PCLO: variants seen among roughly 807,000 people sequenced by gnomAD.
PCLO encodes the protein protein piccolo.
Under a neutral mutation model 427.5 loss-of-function variants are expected in PCLO, and 82 were observed. That is an observed-to-expected ratio of 0.19 (90% confidence interval 0.16 to 0.23). The LOEUF (loss-of-function observed/expected upper bound fraction) is 0.23. Among genes scored for constraint, PCLO ranks in the 10% least tolerant of loss-of-function variants. PCLO has a pLI of 1.00. For missense variants in PCLO, 6,239 were observed against 6,115.9 expected (o/e 1.02, Z -0.67); for synonymous variants, 2,357 against 2,155.4 (o/e 1.09, Z -2.59).
chr7:83,133,950 TTTTC>T (rs1324643677), intron 3 of PCLO, among the ~76,000 whole-genome samples: 2 of 151,810 alleles, frequency 1.3e-5, no homozygotes, highest in Non-Finnish European at 2.9e-5. Context: ...GCTATTATTT[TTTTC>T]TTTATTTCAT....
At chr7:82,808,241 A>G (rs543402001) in intron 20 of PCLO, among the ~76,000 whole-genome samples, 6 of 151,854 alleles carry the variant, frequency 4.0e-5, no homozygotes, top group African/African-American at 1.4e-4. Context: ...ATTATTAGAC[A>G]CTAATATTCA....
chr7:83,005,711 C>G (rs917682834), intron 3 of PCLO, among the ~76,000 whole-genome samples: 2 of 151,558 alleles, frequency 1.3e-5, no homozygotes, highest in Admixed American at 1.3e-4. Context: ...TCAGGTTGTA[C>G]ACCTTAAATA....
chr7:83,123,956 C>CAAAAAAAAAAAAAAAAAA, intron 3 of PCLO, among the ~76,000 whole-genome samples: 1 of 29,056 alleles, frequency 3.4e-5, no homozygotes, highest in Non-Finnish European at 5.4e-5. Context: ...AACTCTGTCT[C>CAAAAAAAAAAAAAAAAAA]AAAAAAAAAA....
intron 3 of PCLO, among the ~76,000 whole-genome samples, chr7:83,072,103 T>C (rs930233779): frequency 1.3e-5 from 2 of 152,076 alleles, no homozygotes; most frequent in Admixed American, 6.6e-5. Context: ...AAAACAATTA[T>C]TTATCATTGC....
intron 3 of PCLO, among the ~76,000 whole-genome samples, chr7:83,084,112 C>T (rs534134673): frequency 9.8e-4 from 149 of 152,124 alleles, no homozygotes; most frequent in Non-Finnish European, 2.0e-3. Context: ...CCTGACAACA[C>T]GCAATTCTAG....
At chr7:83,116,806 G>A (rs997270474) in intron 3 of PCLO, among the ~76,000 whole-genome samples, 2 of 152,008 alleles carry the variant, frequency 1.3e-5, no homozygotes, top group African/African-American at 4.8e-5. Flanking sequence ...TGTCAGGCCT[G>A]GTAACCACCA....
At chr7:83,014,602 GA>G (rs961505004) in intron 3 of PCLO, among the ~76,000 whole-genome samples, 202 of 146,304 alleles carry the variant, frequency 1.4e-3, no homozygotes, top group East Asian at 5.0e-3. Context: ...AATATAGAAT[GA>G]AAAAAAAAAA....
intron 12 of PCLO, among the ~76,000 whole-genome samples, chr7:82,845,860 A>T (rs1024057710): frequency 2.0e-5 from 3 of 151,972 alleles, no homozygotes; most frequent in Non-Finnish European, 4.4e-5. Context: ...CTCTAAGGGG[A>T]AAATTTTCTA....
rs933510861 is a variant in PCLO at position 82,951,422 on chromosome 7, C to A, written c.9166G>T (p.Ala3056Ser). 2 of 1,595,678 alleles carry A rather than the reference C, an allele frequency of 1.3e-6. No individual in the cohort carries two copies. Among genetic ancestry groups the A allele is most frequent in the South Asian group, 1.1e-5 (1 of 88,262 alleles). Residue 3056 changes from alanine to serine, a missense_variant, in exon 6 of 25, where the codon GCT (alanine) becomes TCT (serine). Around this residue, in one of 5 missense-constraint regions of PCLO, gnomAD observed 4,677 missense variants for 4,468.4 expected, o/e 1.05. Transcript: ENST00000333891. ...GAATACTGTGGGGTACTAATCCCAG[C>A]TCCTGAAATGACTTGTCGTGTTTCT... ...YPETRQVISG[A>S]GISTPQYSTA...
intron 3 of PCLO, among the ~76,000 whole-genome samples, chr7:83,015,664 G>GTAA (rs1788188968): frequency 6.6e-6 from 1 of 152,060 alleles, no homozygotes; most frequent in Non-Finnish European, 1.5e-5. Context: ...CCAAATAAAT[G>GTAA]TAACATGTAT....
chr7:83,102,432 T>C (rs186924379), intron 3 of PCLO, among the ~76,000 whole-genome samples: 1 of 152,114 alleles, frequency 6.6e-6, no homozygotes, highest in Admixed American at 6.6e-5. Flanking sequence ...ATATTTCATG[T>C]CTTTTACATA....
In PCLO at chr7:82,951,034, G is replaced by A; in HGVS notation, c.9554C>T (p.Thr3185Ile). The stretch of plus-strand genomic sequence containing the variant: ...TTCAGGAAACACTTCGGATGCTGTG[G>A]TTAAAGTGGGAACAGAGTCTATCGT... The part of the protein sequence containing the change: ...AETIDSVPTL[T>I]TASEVFPEVV... Residue 3185 changes from threonine (T) to isoleucine (I), a missense_variant, in exon 6 of 25, where the codon ACC (threonine) becomes ATC (isoleucine). This residue lies in a region of PCLO where 4,677 missense variants were observed against 4,468.4 expected (regional missense o/e 1.05). Transcript: ENST00000333891. The A allele has an allele frequency of 6.2e-7, 1 of 1,613,844 alleles. No individual in the cohort carries two copies. The highest frequency in any genetic ancestry group is 8.5e-7 in the Non-Finnish European group (1 of 1,179,806).
chr7:82,929,223 A>T lies in PCLO; in HGVS notation c.11113-12350T>A, dbSNP rs374231131. Among the ~76,000 whole-genome samples the T allele has an allele frequency of 3.9e-5, 6 of 152,160 alleles. No homozygotes were observed. In the East Asian group the frequency reaches 7.7e-4, roughly 20 times the overall value. On this transcript the variant is annotated intron_variant, in intron 6 of 24. Coordinates refer to ENST00000333891, the MANE Select transcript of PCLO (RefSeq NM_033026.6). ...TAATAACTAAAAGATTAAGATTTAA[A>T]ATACATCAAAGCTTACCATGTAGTA...
Position 83,155,618 on chromosome 7 carries a change from T to G in PCLO, c.1023A>C (p.Pro341=), listed in dbSNP as rs775040747. 9 of 1,596,584 alleles carry G rather than the reference T, an allele frequency of 5.6e-6. No individual in the cohort carries two copies. The highest frequency in any genetic ancestry group is 1.7e-4 in the Middle Eastern group (1 of 5,892). The change falls in exon 2 of 25, where the codon CCA becomes CCC. Residue 341 remains proline, a synonymous_variant. Coordinates refer to ENST00000333891, the MANE Select transcript of PCLO (RefSeq NM_033026.6). ...PPAQPSGLTK[P]LAQQPGTVKP... ...TCACTGTCCCTGGTTGTTGAGCCAA[T>G]GGCTTTGTTAGCCCTGAGGGCTGAG...
At chr7:82,928,322 T>C (rs554937107) in intron 6 of PCLO, among the ~76,000 whole-genome samples, 2 of 152,318 alleles carry the variant, frequency 1.3e-5, no homozygotes, top group East Asian at 3.9e-4. Context: ...GTTAATGTAA[T>C]AAATGATATG....
intron 3 of PCLO, among the ~76,000 whole-genome samples, chr7:82,971,585 T>C (rs1308447716): frequency 1.4e-5 from 2 of 147,606 alleles, no homozygotes; most frequent in East Asian, 1.9e-4. Flanking sequence ...TAATATATAA[T>C]ATATAATATA....
intron 3 of PCLO, among the ~76,000 whole-genome samples, chr7:83,031,192 T>G (rs1244513116): frequency 6.6e-6 from 1 of 152,216 alleles, no homozygotes; most frequent in Non-Finnish European, 1.5e-5. Flanking sequence ...AAATTTAACC[T>G]ACAGCTCAAA....
chr7:83,077,228 C>T (rs541494620), intron 3 of PCLO, among the ~76,000 whole-genome samples: 3 of 152,056 alleles, frequency 2.0e-5, no homozygotes, highest in Admixed American at 6.5e-5. Context: ...TAATTGTTTC[C>T]GCTTCTTTGG....
chr7:83,162,338 T>C lies in PCLO; in HGVS notation c.248+7A>G, dbSNP rs780519881. ...ATGCCCGGACATATACATCATGCTG[T>C]GCATGCCTGTGCATGGAAGGCGACT... On this transcript the variant is annotated splice_region_variant and intron_variant, in intron 1 of 24. Transcript: ENST00000333891. 184 of 1,594,168 alleles carry C rather than the reference T, an allele frequency of 1.2e-4. No homozygotes were observed. The highest frequency in any genetic ancestry group is 1.5e-4 in the Non-Finnish European group (172 of 1,171,040).
Sources: allele counts gnomAD v4.1 joint callset (sites outside exome capture counted in the v4.1 genomes callset), GRCh38; gene constraint gnomAD v4.1.1; regional missense constraint gnomAD v4.1.1; transcripts MANE v1.5; gene names NCBI Gene and HGNC (gene_info 2026-07-23, HGNC 2026-07-21).